The following GPC6 variants were observed in gnomAD, a reference collection of about 807,000 sequenced individuals.
GPC6 encodes the protein glypican 6.
In GPC6, 14 loss-of-function variants were observed where a neutral mutation model predicts 55.2. That is an observed-to-expected ratio of 0.25 (90% CI 0.17 to 0.40). The LOEUF (loss-of-function observed/expected upper bound fraction) is 0.40. GPC6 is among the 10% of genes least tolerant of loss of function. The probability of loss-of-function intolerance (pLI) is 1.00; values close to 1 mark genes in which losing one functional copy is unlikely to be tolerated. For missense variants in GPC6, 641 were observed against 708.5 expected, an observed-to-expected ratio of 0.90 and a Z score of 1.08; for synonymous variants, 278 against 259.6, an observed-to-expected ratio of 1.07 and a Z score of -0.68.
At position 93,330,408 on chromosome 13, in the gene GPC6, G is replaced by A. The variant is rs572681829; in HGVS notation, c.160+102792G>A. Among the ~76,000 whole-genome samples the A allele has an allele frequency of 9.2e-5, 14 of 152,200 alleles. No individual in the cohort carries two copies. In the East Asian group the frequency reaches 2.5e-3, roughly 27 times the overall value. On this transcript the variant is annotated intron_variant, in intron 1 of 8. Transcript: ENST00000377047. Reference sequence around the variant, plus strand: ...TGTGGTAGTGTGGTATGTGCCTGTAGTCACAGCTGTTTGGGAGGCTAAGGT... The same window carrying A: ...TGTGGTAGTGTGGTATGTGCCTGTAATCACAGCTGTTTGGGAGGCTAAGGT...
intron 2 of GPC6, among the ~76,000 whole-genome samples, chr13:93,591,434 A>G (rs1428984119): frequency 6.6e-6 from 1 of 150,650 alleles, no homozygotes; most frequent in Non-Finnish European, 1.5e-5. Flanking sequence ...ACTGCACTCC[A>G]GCCTGGGCGA....
intron 2 of GPC6, among the ~76,000 whole-genome samples, chr13:93,630,402 A>G (rs1480961819): frequency 6.6e-6 from 1 of 152,174 alleles, no homozygotes; most frequent in African/African-American, 2.4e-5. Flanking sequence ...GCTAGGGTTC[A>G]CATTTCAGAC....
At chr13:93,546,889 T>C (rs4479094) in intron 2 of GPC6, among the ~76,000 whole-genome samples, 133,926 of 152,216 alleles carry the variant, frequency 0.88, 59,308 homozygotes, top group Middle Eastern at 0.92. Context: ...AGCTCTACTG[T>C]GTTTATAAAG....
intron 4 of GPC6, among the ~76,000 whole-genome samples, chr13:94,179,939 GA>G (rs1221171642): frequency 6.6e-6 from 1 of 152,026 alleles, no homozygotes; most frequent in East Asian, 1.9e-4. Flanking sequence ...CGTATTCAAA[GA>G]AAAAAATGCC....
At chr13:94,193,806 CTT>C (rs1889477069) in intron 4 of GPC6, among the ~76,000 whole-genome samples, 1 of 152,164 alleles carries the variant, frequency 6.6e-6, no homozygotes, top group Non-Finnish European at 1.5e-5. Context: ...CAGCAGCTGA[CTT>C]TGGCTTTTGT....
chr13:93,448,219 T>C (rs745391154), intron 1 of GPC6, among the ~76,000 whole-genome samples: 12 of 152,218 alleles, frequency 7.9e-5, no homozygotes, highest in Admixed American at 2.0e-4. Context: ...TCCCAGATGA[T>C]TGTAATATAG....
chr13:94,006,399 A>T (rs1882021330), intron 3 of GPC6, among the ~76,000 whole-genome samples: 1 of 152,126 alleles, frequency 6.6e-6, no homozygotes, highest in Non-Finnish European at 1.5e-5. Context: ...TACTCCTCAG[A>T]CCCGAGGCTT....
intron 3 of GPC6, among the ~76,000 whole-genome samples, chr13:93,931,634 G>T (rs1327517535): frequency 6.6e-6 from 1 of 151,726 alleles, no homozygotes; most frequent in Non-Finnish European, 1.5e-5. Context: ...CGTGGTGGCG[G>T]GCACCTGTAA....
chr13:93,648,363 A>G (rs1880266060), intron 2 of GPC6, among the ~76,000 whole-genome samples: 2 of 152,194 alleles, frequency 1.3e-5, no homozygotes, highest in African/African-American at 4.8e-5. Flanking sequence ...GAATTTGCCA[A>G]CCCAAAAGAA....
At chr13:93,313,742 C>G (rs1054866871) in intron 1 of GPC6, among the ~76,000 whole-genome samples, 4 of 151,942 alleles carry the variant, frequency 2.6e-5, no homozygotes. Context: ...TCATAGTGCA[C>G]TATAGCCTAG....
intron 4 of GPC6, among the ~76,000 whole-genome samples, chr13:94,213,017 G>T (rs186195758): frequency 3.9e-5 from 6 of 152,120 alleles, no homozygotes; most frequent in Non-Finnish European, 7.4e-5. Context: ...TTAGCCGAGC[G>T]TGATGGCGGG....
At chr13:93,738,892 A>C (rs1352946529) in intron 2 of GPC6, among the ~76,000 whole-genome samples, 3 of 151,802 alleles carry the variant, frequency 2.0e-5, no homozygotes, top group Admixed American at 6.6e-5. Context: ...CTGTCCTCCA[A>C]AACAACTCAC....
intron 6 of GPC6, among the ~76,000 whole-genome samples, chr13:94,347,256 A>C (rs1368219252): frequency 1.3e-5 from 2 of 151,460 alleles, no homozygotes; most frequent in Non-Finnish European, 2.9e-5. Flanking sequence ...TTCTTCTCAT[A>C]CCCAAAATGG....
intron 4 of GPC6, among the ~76,000 whole-genome samples, chr13:94,037,250 C>T (rs1883370562): frequency 1.3e-5 from 2 of 151,858 alleles, no homozygotes; most frequent in South Asian, 4.1e-4. Flanking sequence ...AATTAAATCC[C>T]TGTGGCTGAA....
At chr13:93,706,002 G>A (rs909329185) in intron 2 of GPC6, among the ~76,000 whole-genome samples, 4 of 151,742 alleles carry the variant, frequency 2.6e-5, no homozygotes, top group African/African-American at 9.7e-5. Context: ...GGGAGGCTCA[G>A]TAAGTCTAAT....
intron 4 of GPC6, among the ~76,000 whole-genome samples, chr13:94,121,747 A>G (rs886295116): frequency 2.0e-5 from 3 of 152,140 alleles, no homozygotes; most frequent in African/African-American, 7.2e-5. Context: ...TTTAAAGATT[A>G]TCATCAGTAC....
intron 7 of GPC6, among the ~76,000 whole-genome samples, chr13:94,389,268 C>T (rs1880541331): frequency 6.6e-6 from 1 of 152,058 alleles, no homozygotes; most frequent in East Asian, 1.9e-4. Flanking sequence ...CTGGGGTGAA[C>T]TGAGAGACCC....
At chr13:94,102,422 C>G (rs1885900426) in intron 4 of GPC6, among the ~76,000 whole-genome samples, 1 of 152,078 alleles carries the variant, frequency 6.6e-6, no homozygotes, top group Non-Finnish European at 1.5e-5. Context: ...AGACCTTCCC[C>G]CAAACCCACT....
chr13:94,271,628 G>C (rs999937913), intron 4 of GPC6, among the ~76,000 whole-genome samples: 1 of 151,976 alleles, frequency 6.6e-6, no homozygotes, highest in African/African-American at 2.4e-5. Context: ...TAGTGTTGGG[G>C]AGATAAAACT....
Sources: gnomAD v4.1 joint callset for allele counts (sites outside exome capture counted in the v4.1 genomes callset) on GRCh38, gnomAD v4.1.1 for gene constraint, MANE v1.5 for transcripts, NCBI Gene and HGNC (gene_info 2026-07-23, HGNC 2026-07-21) for gene names.